FLRT1: variants seen among roughly 807,000 people sequenced by gnomAD.
The protein encoded by FLRT1 is leucine-rich repeat transmembrane protein FLRT1.
In FLRT1, 14 loss-of-function variants were observed where a neutral mutation model predicts 30.9. That is an observed-to-expected ratio of 0.45 (90% CI 0.30 to 0.71). FLRT1 has a LOEUF of 0.71. FLRT1 is among the 30% of genes least tolerant of loss of function. The pLI is 0.08. For synonymous variants in FLRT1, 368 were observed against 430.4 expected (o/e 0.85, Z 1.80); for missense variants, 737 against 949.2 (o/e 0.78, Z 2.94).
At chr11:64,051,293 A>G (rs537055033) in intron 1 of FLRT1, among the ~76,000 whole-genome samples, 1 of 152,262 alleles carries the variant, frequency 6.6e-6, no homozygotes, top group Non-Finnish European at 1.5e-5. Context: ...CCTCTTTTGA[A>G]GTAGCTCTGG....
chr11:64,070,757 A>G (rs1256633454), intron 1 of FLRT1, among the ~76,000 whole-genome samples: 2 of 152,202 alleles, frequency 1.3e-5, no homozygotes, highest in African/African-American at 4.8e-5. Flanking sequence ...ATAAAAATGG[A>G]TTTATTTGTT....
At chr11:64,039,002 T>C (rs1212153359) in intron 1 of FLRT1, among the ~76,000 whole-genome samples, 2 of 152,148 alleles carry the variant, frequency 1.3e-5, no homozygotes, top group African/African-American at 4.8e-5. Context: ...CCTTGCCTAG[T>C]CTACACCCCT....
chr11:64,061,855 C>T (rs1943910003), intron 1 of FLRT1, among the ~76,000 whole-genome samples: 2 of 143,250 alleles, frequency 1.4e-5, no homozygotes, highest in Admixed American at 7.0e-5. Flanking sequence ...GGACCACAGG[C>T]GTGTGCCACC....
chr11:64,117,437 G>T lies in FLRT1; in HGVS notation c.1170G>T (p.Ala390=), dbSNP rs148382868. The T allele has an allele frequency of 1.3e-4, 202 of 1,612,902 alleles. No individual in the cohort carries two copies. The South Asian group carries it at 2.0e-3, about 16-fold the overall frequency. The change falls in exon 3 of 3, where the codon GCG becomes GCT. Residue 390 remains alanine (A), a synonymous_variant. Transcript: ENST00000682287. ...ETGPQGGVAN[A]AAKTTASNHA... ...GGCCGCAGGGCGGCGTGGCCAATGCGGCTGCCAAGACCACGGCCAGCAACC... is the reference window on the plus strand; with the variant it reads ...GGCCGCAGGGCGGCGTGGCCAATGCTGCTGCCAAGACCACGGCCAGCAACC...
At chr11:64,037,917 T>C (rs561874596) in intron 1 of FLRT1, among the ~76,000 whole-genome samples, 3 of 152,242 alleles carry the variant, frequency 2.0e-5, no homozygotes, top group Non-Finnish European at 4.4e-5. Flanking sequence ...GGGTGCTGCT[T>C]TGTAAGTGCA....
At chr11:64,062,637 C>G (rs1181327752) in intron 1 of FLRT1, among the ~76,000 whole-genome samples, 1 of 152,348 alleles carries the variant, frequency 6.6e-6, no homozygotes, top group African/African-American at 2.4e-5. Flanking sequence ...AGGCACGTGG[C>G]CCTGCCTCAG....
rs755567481 is a variant in FLRT1 at position 64,117,660 on chromosome 11, C to T, written c.1393C>T (p.Arg465Trp). ...WKATLPASSF[R>W]LSWLRLGHSP... ...GGCCACGCTCCCCGCCTCCTCTTTC[C>T]GGCTCAGTTGGCTGCGCCTGGGCCA... Residue 465 changes from arginine to tryptophan, a missense_variant, in exon 3 of 3, where the codon CGG becomes TGG. Physicochemically the swap from Arg to Trp is moderately radical, Grantham distance 101 (BLOSUM62 -3). Transcript: ENST00000682287. 6.8e-6 allele frequency: 11 copies of T among 1,613,628 alleles called. No homozygotes were observed. Among genetic ancestry groups the T allele is most frequent in the Admixed American group, 5.0e-5 (3 of 60,012 alleles).
chr11:64,099,577 T>C (rs1325967119), intron 1 of FLRT1, among the ~76,000 whole-genome samples: 4 of 148,870 alleles, frequency 2.7e-5, no homozygotes, highest in East Asian at 2.0e-4. Flanking sequence ...GGTGAATAGA[T>C]GGACTGATGG....
Position 64,072,510 on chromosome 11 carries a change from C to T in FLRT1, c.-1037-30684C>T, listed in dbSNP as rs183953762. 4.6e-5 allele frequency among the ~76,000 whole-genome samples: 7 copies of T among 152,206 alleles called. No individual in the cohort carries two copies. The East Asian group carries it at 1.2e-3, about 25-fold the overall frequency. On this transcript the variant is annotated intron_variant, in intron 1 of 2. Transcript: ENST00000682287. ...CATAAGTTACGAGCATGATGATAAA[C>T]CAGGCACCCGTGAACCCGCCACAGA...
Position 64,064,483 on chromosome 11 carries a change from G to T in FLRT1, c.-1038+28324G>T, listed in dbSNP as rs1447691293. On this transcript the variant is annotated intron_variant, in intron 1 of 2. Coordinates refer to ENST00000682287, the MANE Select transcript of FLRT1 (RefSeq NM_013280.5). The surrounding 1 kb of genome is among the most constrained non-coding windows in gnomAD (Gnocchi z 4.5). The stretch of plus-strand genomic sequence containing the variant: ...CTTGGCCAAAGAACCGGAGGCCTCA[G>T]GCCTGCCCCGGATGGGCACGCAGGC... Among the ~76,000 whole-genome samples the T allele has an allele frequency of 1.3e-5, 2 of 152,148 alleles. No homozygotes were observed. The highest frequency in any genetic ancestry group is 4.8e-5 in the African/African-American group (2 of 41,448).
chr11:64,081,358 G>T (rs78738526), intron 1 of FLRT1, among the ~76,000 whole-genome samples: 4,377 of 152,188 alleles, frequency 0.029, 100 homozygotes, highest in South Asian at 0.087. Flanking sequence ...CCATGAACTC[G>T]CATATCCTGA....
chr11:64,098,598 G>A (rs1944618965), intron 1 of FLRT1, among the ~76,000 whole-genome samples: 1 of 152,204 alleles, frequency 6.6e-6, no homozygotes, highest in Non-Finnish European at 1.5e-5. Context: ...GGAAGTCAGA[G>A]CCATGGAACA....
chr11:64,053,451 AGGCTG>A (rs998895200), intron 1 of FLRT1, among the ~76,000 whole-genome samples: 19 of 152,124 alleles, frequency 1.2e-4, no homozygotes, highest in Middle Eastern at 3.2e-3. Context: ...GTGCAGGGTT[AGGCTG>A]GGCTGGGGAT....
chr11:64,047,712 C>T (rs188202838), intron 1 of FLRT1, among the ~76,000 whole-genome samples: 58 of 152,096 alleles, frequency 3.8e-4, no homozygotes, highest in African/African-American at 1.1e-3. Flanking sequence ...GCCTGGCCAA[C>T]GTGGTGAAAC....
intron 1 of FLRT1, among the ~76,000 whole-genome samples, chr11:64,068,900 G>A (rs1944054949): frequency 6.6e-6 from 1 of 152,246 alleles, no homozygotes; most frequent in South Asian, 2.1e-4. Context: ...GGACTTGGCG[G>A]GAAATGGGCA....
chr11:64,068,562 C>T (rs747929684), intron 1 of FLRT1, among the ~76,000 whole-genome samples: 1 of 152,246 alleles, frequency 6.6e-6, no homozygotes, highest in Non-Finnish European at 1.5e-5. Flanking sequence ...TCTTACAGAG[C>T]CCCGCATTCC....
chr11:64,086,427 T>G (rs1483548697), intron 1 of FLRT1, among the ~76,000 whole-genome samples: 1 of 151,804 alleles, frequency 6.6e-6, no homozygotes, highest in East Asian at 1.9e-4. Flanking sequence ...ACCCCCAGCT[T>G]TCTACTCTCC....
At chr11:64,041,199 TAAAAAAAAAAAAAAAAA>T (rs71045724) in intron 1 of FLRT1, among the ~76,000 whole-genome samples, 2 of 21,600 alleles carry the variant, frequency 9.3e-5, no homozygotes, top group South Asian at 3.8e-3. Context: ...TAGCAAACTG[TAAAAAAAAAAAAAAAAA>T]AAAAAAAAAA....
At chr11:64,102,370 C>G (rs534467265) in intron 1 of FLRT1, among the ~76,000 whole-genome samples, 6 of 152,252 alleles carry the variant, frequency 3.9e-5, no homozygotes, top group African/African-American at 1.4e-4. Flanking sequence ...ACTGACCCCC[C>G]ACCTAGGAAG....
Sources: gnomAD v4.1 joint callset for allele counts (sites outside exome capture counted in the v4.1 genomes callset) on GRCh38, gnomAD v4.1.1 for gene constraint, Gnocchi (gnomAD v3.1) non-coding constraint, MANE v1.5 for transcripts, NCBI Gene and HGNC (gene_info 2026-07-23, HGNC 2026-07-21) for gene names.